NAA11: variants seen among roughly 807,000 people sequenced by gnomAD.
The protein encoded by NAA11 is N-alpha-acetyltransferase 11, NatA catalytic subunit.
A neutral mutation model predicts 16.1 loss-of-function variants in NAA11; 15 were observed. The ratio of observed to expected loss-of-function variants is 0.93; its 90% CI spans 0.62 to 1.44. The LOEUF (loss-of-function observed/expected upper bound fraction) is 1.44. NAA11 is among the 40% of genes most tolerant of loss of function. The pLI, the probability that NAA11 is intolerant of heterozygous loss-of-function variation, is 0.00. For synonymous variants in NAA11, 122 were observed against 112.4 expected (o/e 1.09, Z -0.54); for missense variants, 298 against 291.3 (o/e 1.02, Z -0.17).
downstream of NAA11, among the ~76,000 whole-genome samples, chr4:79,224,662 G>A (rs376111248): frequency 1.3e-4 from 20 of 152,076 alleles, no homozygotes; most frequent in African/African-American, 4.8e-4. Flanking sequence ...GTGCTCCAGA[G>A]AGAGGGAGCA....
At chr4:79,293,032 G>A (rs1220274926) in intron 2 of NAA11, among the ~76,000 whole-genome samples, 1 of 151,902 alleles carries the variant, frequency 6.6e-6, no homozygotes, top group Non-Finnish European at 1.5e-5. Context: ...CTATATTGAT[G>A]AAATAAAGAA....
chr4:79,181,851 GT>G, the NAA11 span, among the ~76,000 whole-genome samples: 1 of 152,194 alleles, frequency 6.6e-6, no homozygotes, highest in East Asian at 1.9e-4. Context: ...TATTGGATTC[GT>G]TTTTTTAAAA....
the NAA11 span, among the ~76,000 whole-genome samples, chr4:79,210,243 G>A: frequency 1.3e-5 from 2 of 152,030 alleles, no homozygotes; most frequent in Non-Finnish European, 2.9e-5. Flanking sequence ...TACAGTTAGG[G>A]GACGTTTATT....
At chr4:79,183,355 A>G in the NAA11 span, among the ~76,000 whole-genome samples, 1 of 152,164 alleles carries the variant, frequency 6.6e-6, no homozygotes, top group South Asian at 2.1e-4. Context: ...TGTAACTTTA[A>G]TGTTTTTTAA....
At chr4:79,194,268 AT>A in the NAA11 span, among the ~76,000 whole-genome samples, 3 of 152,168 alleles carry the variant, frequency 2.0e-5, no homozygotes, top group Admixed American at 6.5e-5. Context: ...CAGTATAGCC[AT>A]TTTAATGATA....
chr4:79,195,045 T>C, the NAA11 span, among the ~76,000 whole-genome samples: 1 of 152,102 alleles, frequency 6.6e-6, no homozygotes, highest in African/African-American at 2.4e-5. Flanking sequence ...AAAAGTGTCC[T>C]ATCTAATCTA....
the NAA11 span, among the ~76,000 whole-genome samples, chr4:79,213,658 G>GAGA: frequency 6.6e-6 from 1 of 152,002 alleles, no homozygotes; most frequent in Non-Finnish European, 1.5e-5. Flanking sequence ...TATCATATGG[G>GAGA]AGAAGACATC....
the NAA11 span, among the ~76,000 whole-genome samples, chr4:79,198,889 A>T: frequency 6.6e-6 from 1 of 151,842 alleles, no homozygotes; most frequent in South Asian, 2.1e-4. Flanking sequence ...ACATACCCAA[A>T]TTCTATGCAA....
chr4:79,244,647 C>G (rs1404531616), intron 2 of NAA11: 1 of 141,094 alleles, frequency 7.1e-6, no homozygotes, highest in Non-Finnish European at 1.6e-5. Context: ...TCCCCGTCTC[C>G]GTCTCCCGCT....
intron 2 of NAA11, among the ~76,000 whole-genome samples, chr4:79,236,300 G>A (rs1047700926): frequency 6.6e-6 from 1 of 151,450 alleles, no homozygotes; most frequent in Non-Finnish European, 1.5e-5. Context: ...ACATCTTTTT[G>A]TTTTTTTAAG....
chr4:79,239,008 T>G (rs1223465335), intron 2 of NAA11, among the ~76,000 whole-genome samples: 1 of 152,218 alleles, frequency 6.6e-6, no homozygotes, highest in Non-Finnish European at 1.5e-5. Context: ...CTGTGATTTC[T>G]TCCATGGCAG....
intron 2 of NAA11, among the ~76,000 whole-genome samples, chr4:79,293,127 C>G (rs1277721319): frequency 6.6e-6 from 1 of 152,072 alleles, no homozygotes; most frequent in Non-Finnish European, 1.5e-5. Context: ...TTTTTTAACA[C>G]TGTGTTTTGC....
At chr4:79,160,004 T>C in the NAA11 span, among the ~76,000 whole-genome samples, 1 of 151,938 alleles carries the variant, frequency 6.6e-6, no homozygotes, top group Admixed American at 6.5e-5. Context: ...TTTTTTTTTT[T>C]TTTTAAGACA....
chr4:79,167,266 TATATAGAGAGAG>T, the NAA11 span, among the ~76,000 whole-genome samples: 7 of 119,306 alleles, frequency 5.9e-5, no homozygotes, highest in African/African-American at 2.5e-4. Flanking sequence ...TATATATATA[TATATAGAGAGAG>T]AGAGAGAGAG....
intron 2 of NAA11, among the ~76,000 whole-genome samples, chr4:79,278,069 C>T (rs893206360): frequency 6.6e-5 from 10 of 152,122 alleles, no homozygotes; most frequent in African/African-American, 2.4e-4. Flanking sequence ...CTTAGACTCC[C>T]CATGACTACC....
At chr4:79,223,243 C>T (rs1291033265), downstream of NAA11, among the ~76,000 whole-genome samples, 3 of 148,048 alleles carry the variant, frequency 2.0e-5, no homozygotes, top group Non-Finnish European at 4.5e-5. Flanking sequence ...TTGGAACCAA[C>T]CCAAATGTCC....
chr4:79,275,474 G>A lies in NAA11; in HGVS notation c.*122+18531C>T, dbSNP rs181262087. Among the ~76,000 whole-genome samples the A allele has an allele frequency of 9.9e-5, 15 of 152,126 alleles. No homozygotes were observed. The East Asian group carries it at 2.9e-3, about 29-fold the overall frequency. ...TCATTTTAGAAACTATAGTCCACCA[G>A]ACCTAGACCTTGTCCTGAAGTAAGG... On this transcript the variant is annotated intron_variant and NMD_transcript_variant, in intron 2 of 2. Transcript: ENST00000511542.
chr4:79,167,156 G>GATATATA, the NAA11 span, among the ~76,000 whole-genome samples: 1 of 39,564 alleles, frequency 2.5e-5, no homozygotes, highest in Non-Finnish European at 4.7e-5. Flanking sequence ...ATATATATAT[G>GATATATA]TATATGGAGA....
At chr4:79,300,364 T>C (rs1189961894) in intron 1 of NAA11, among the ~76,000 whole-genome samples, 1 of 152,236 alleles carries the variant, frequency 6.6e-6, no homozygotes, top group African/African-American at 2.4e-5. Flanking sequence ...GACATTGATC[T>C]TTGATGTGCC....
Sources: allele counts gnomAD v4.1 joint callset (sites outside exome capture counted in the v4.1 genomes callset), GRCh38; gene constraint gnomAD v4.1.1; transcripts MANE v1.5; gene names NCBI Gene and HGNC (gene_info 2026-07-23, HGNC 2026-07-21).